Variants in ATXN7 observed in about 807,000 individuals in gnomAD.
The protein encoded by ATXN7 is ataxin-7.
In ATXN7, 12 loss-of-function variants were observed where a neutral mutation model predicts 70.5. The observed-to-expected ratio is 0.17, with a 90% CI of 0.11 to 0.28. The LOEUF is 0.28. Ranked by LOEUF, ATXN7 falls within the 10% of genes least tolerant of loss-of-function variation. The probability of loss-of-function intolerance (pLI) is 1.00; values close to 1 mark genes in which losing one functional copy is unlikely to be tolerated. For missense variants in ATXN7, 1,256 were observed against 1,131.7 expected, an observed-to-expected ratio of 1.11 and a Z score of -1.58; for synonymous variants, 498 against 448.7, an observed-to-expected ratio of 1.11 and a Z score of -1.39.
intron 2 of ATXN7, among the ~76,000 whole-genome samples, chr3:63,911,277 T>C (rs1559628191): frequency 6.6e-6 from 1 of 152,220 alleles, no homozygotes; most frequent in Non-Finnish European, 1.5e-5. Flanking sequence ...TTTTAATGCT[T>C]TAGGTCATTA....
At chr3:63,990,097 A>G in intron 9 of ATXN7, 79 bp from the exon 10 acceptor site, 1 of 1,408,990 alleles carries the variant, frequency 7.1e-7, no homozygotes, top group Admixed American at 1.8e-5. Context: ...GTTGTTTTGG[A>G]CACACTGTTG....
Position 63,999,698 on chromosome 3 carries a change from CT to C in ATXN7, c.*235del. On this transcript the variant is annotated 3_prime_UTR_variant, in exon 13 of 13. Transcript: ENST00000674280. ...TGGATCAAGTTCAGCCACCGAATTG[CT>C]TTTATCAGTGTTAAAGTGGTCTGAA... The C allele has an allele frequency of 1.4e-6, 1 of 734,236 alleles. No homozygotes were observed. 45.5% of individuals were successfully genotyped at this position (734,236 alleles called of 1,614,324 possible).
chr3:63,908,052 G>C (rs1038968662), intron 2 of ATXN7, among the ~76,000 whole-genome samples: 1 of 152,184 alleles, frequency 6.6e-6, no homozygotes. Context: ...AAGGGTTTGA[G>C]ATGTTTAGCA....
At chr3:63,979,747 G>A (rs1392039942) in intron 5 of ATXN7, among the ~76,000 whole-genome samples, 168 bp from the exon 6 acceptor site, 3 of 152,154 alleles carry the variant, frequency 2.0e-5, no homozygotes, top group Non-Finnish European at 2.9e-5. Context: ...TGCTAAGTAA[G>A]TCTGTGGGGC....
At chr3:63,920,183 G>A (rs766051850) in intron 4 of ATXN7, among the ~76,000 whole-genome samples, 20 of 152,092 alleles carry the variant, frequency 1.3e-4, no homozygotes, top group East Asian at 3.9e-4. Flanking sequence ...CTCATGTTTC[G>A]CAATTCATGG....
chr3:63,867,948 A>C (rs1315506083), intron 1 of ATXN7, among the ~76,000 whole-genome samples: 5 of 152,238 alleles, frequency 3.3e-5, no homozygotes, highest in Admixed American at 2.0e-4. Flanking sequence ...GTGTAAAAGC[A>C]CTTCCATTTT....
chr3:63,965,876 A>G (rs946544001), intron 5 of ATXN7, among the ~76,000 whole-genome samples: 7 of 152,202 alleles, frequency 4.6e-5, no homozygotes, highest in Admixed American at 3.3e-4. Context: ...TACAAAATTA[A>G]TATTTTCCTG....
At chr3:63,899,138 C>G (rs549880756) in intron 2 of ATXN7, among the ~76,000 whole-genome samples, 1 of 151,752 alleles carries the variant, frequency 6.6e-6, no homozygotes, top group South Asian at 2.1e-4. Flanking sequence ...TCGTGGCTCA[C>G]TGCAACCTCC....
At chr3:63,912,498 C>T in intron 2 of ATXN7, 90 bp from the exon 3 acceptor site, 1 of 880,764 alleles carries the variant, frequency 1.1e-6, no homozygotes, top group Non-Finnish European at 1.4e-6. Context: ...ACCCGGTCCG[C>T]GGGCCGCGCA....
At chr3:63,927,714 A>T (rs1190917453) in intron 4 of ATXN7, among the ~76,000 whole-genome samples, 1 of 152,148 alleles carries the variant, frequency 6.6e-6, no homozygotes, top group African/African-American at 2.4e-5. Context: ...GCCTCTGAAT[A>T]GGATATTTAT....
At chr3:63,952,565 C>G in intron 5 of ATXN7, 82 bp downstream of exon 5, 1 of 926,830 alleles carries the variant, frequency 1.1e-6, no homozygotes, top group Admixed American at 2.7e-5. Flanking sequence ...TGATGGCATG[C>G]ATGGGACATA....
intron 4 of ATXN7, among the ~76,000 whole-genome samples, chr3:63,933,648 A>G (rs2074600011): frequency 6.6e-6 from 1 of 152,226 alleles, no homozygotes; most frequent in South Asian, 2.1e-4. Flanking sequence ...ACAAAATGTT[A>G]AGTGACTATA....
chr3:63,927,039 C>G (rs1052544050), intron 4 of ATXN7, among the ~76,000 whole-genome samples: 3 of 152,050 alleles, frequency 2.0e-5, no homozygotes, highest in Non-Finnish European at 4.4e-5. Flanking sequence ...GTGTATGTGC[C>G]GCATTTTCTT....
chr3:63,967,680 A>T, intron 5 of ATXN7: 1 of 966,210 alleles, frequency 1.0e-6, no homozygotes, highest in Non-Finnish European at 1.4e-6. Flanking sequence ...CAATAGAAAG[A>T]TTAATTTACA....
At chr3:63,923,840 G>A (rs967779013) in intron 4 of ATXN7, among the ~76,000 whole-genome samples, 12 of 152,122 alleles carry the variant, frequency 7.9e-5, no homozygotes, top group Admixed American at 6.6e-4. Flanking sequence ...TCTGGAAGGG[G>A]CACTCTGAGA....
At chr3:63,875,141 G>A (rs1702712246) in intron 1 of ATXN7, among the ~76,000 whole-genome samples, 2 of 152,086 alleles carry the variant, frequency 1.3e-5, no homozygotes, top group African/African-American at 4.8e-5. Context: ...TTTTTGTAGA[G>A]ATAGGGTTTT....
intron 11 of ATXN7, among the ~76,000 whole-genome samples, chr3:63,993,374 C>T (rs886913420): frequency 2.7e-5 from 4 of 147,668 alleles, no homozygotes; most frequent in Admixed American, 1.4e-4. Context: ...GGGGTGAACC[C>T]GGGAGGCAGA....
Position 63,982,623 on chromosome 3 carries a change from A to AGTGTGTGTGTGT in ATXN7, c.1012+203_1012+214dup, listed in dbSNP as rs71099784. ...TCACTCTTGGGTTTTAAAGAGCATG[A>AGTGTGTGTGTGT]GTGTGTGTGTGTGTGTGTGTGTGTG... On this transcript the variant is annotated intron_variant, in intron 7 of 12. Coordinates refer to ENST00000674280, the MANE Select transcript of ATXN7 (RefSeq NM_001377405.1). 3.7e-3 allele frequency among the ~76,000 whole-genome samples: 527 copies of AGTGTGTGTGTGT among 143,568 alleles called. 4 individuals carry two copies. The highest frequency in any genetic ancestry group is 0.01 in the African/African-American group (396 of 38,480). The allele number at this position is 143,568 out of a possible 152,430, so 94.2% of individuals were successfully genotyped here.
intron 1 of ATXN7, among the ~76,000 whole-genome samples, chr3:63,883,021 T>C (rs1038255574): frequency 6.6e-6 from 1 of 152,156 alleles, no homozygotes; most frequent in African/African-American, 2.4e-5. Flanking sequence ...CTTTCTAAGG[T>C]GTTATTAGAC....
Sources: allele counts gnomAD v4.1 joint callset (sites outside exome capture counted in the v4.1 genomes callset), GRCh38; gene constraint gnomAD v4.1.1; transcripts MANE v1.5; gene names NCBI Gene and HGNC (gene_info 2026-07-23, HGNC 2026-07-21).